Variants in NAV3 observed in about 807,000 individuals in gnomAD.
The protein encoded by NAV3 is pore membrane and/or filament interacting like protein 1.
NAV3 carries 87 observed loss-of-function variants against 244.7 expected under a neutral mutation model. That is an observed-to-expected ratio of 0.36 (90% confidence interval 0.30 to 0.42). The LOEUF (loss-of-function observed/expected upper bound fraction) is 0.42. Ranked by LOEUF, NAV3 falls within the 20% of genes least tolerant of loss-of-function variation. The pLI is 1.00. For missense variants in NAV3, 2,663 were observed against 2,893.3 expected, an observed-to-expected ratio of 0.92 and a Z score of 1.83; for synonymous variants, 1,126 against 1,042.2, an observed-to-expected ratio of 1.08 and a Z score of -1.55.
At chr12:77,814,158 C>T (rs907018135) in intron 2 of NAV3, among the ~76,000 whole-genome samples, 3 of 151,930 alleles carry the variant, frequency 2.0e-5, no homozygotes, top group African/African-American at 7.3e-5. Context: ...AATATTCTGC[C>T]AGAGTTCCTC....
upstream of NAV3, among the ~76,000 whole-genome samples, chr12:77,826,497 C>T (rs1873023262): frequency 6.6e-6 from 1 of 152,062 alleles, no homozygotes; most frequent in African/African-American, 2.4e-5. Context: ...GTCCCCCTCC[C>T]CCCAAAAAAT....
At chr12:77,889,515 G>T (rs1482084930) in intron 1 of NAV3, among the ~76,000 whole-genome samples, 2 of 152,144 alleles carry the variant, frequency 1.3e-5, no homozygotes, top group Admixed American at 6.6e-5. Flanking sequence ...ACAATTAATG[G>T]AAATGTGACT....
chr12:77,725,610 GCAAACCATT>G (rs1253510698), intron 2 of NAV3, among the ~76,000 whole-genome samples: 1 of 151,074 alleles, frequency 6.6e-6, no homozygotes, highest in East Asian at 1.9e-4. Context: ...GAGCTTGCTC[GCAAACCATT>G]CAAAATTTGG....
At chr12:77,984,322 CAAGT>C (rs1870088314) in intron 5 of NAV3, among the ~76,000 whole-genome samples, 1 of 152,104 alleles carries the variant, frequency 6.6e-6, no homozygotes, top group Admixed American at 6.6e-5. Context: ...TATGTGCTTT[CAAGT>C]AAGAATAACG....
chr12:77,807,787 T>TGAAAG (rs1872060945), intron 2 of NAV3, among the ~76,000 whole-genome samples: 1 of 152,206 alleles, frequency 6.6e-6, no homozygotes. Flanking sequence ...TTGGTTCCAT[T>TGAAAG]TTCCCCGTCA....
intron 2 of NAV3, among the ~76,000 whole-genome samples, chr12:77,622,323 A>C (rs928433861): frequency 1.7e-4 from 26 of 151,564 alleles, no homozygotes; most frequent in African/African-American, 6.1e-4. Flanking sequence ...CCACACCCGG[A>C]TAATTTTTTG....
intron 1 of NAV3, 53 bp downstream of exon 1, chr12:77,831,757 T>C (rs2136082121): frequency 1.3e-6 from 2 of 1,530,026 alleles, no homozygotes; most frequent in Non-Finnish European, 1.8e-6. Context: ...CACATTTCTC[T>C]TTAAGTGCAC....
intron 2 of NAV3, among the ~76,000 whole-genome samples, chr12:77,589,772 G>T (rs574193862): frequency 6.6e-6 from 1 of 152,316 alleles, no homozygotes; most frequent in South Asian, 2.1e-4. Flanking sequence ...AACCATATCA[G>T]ACATCTTAAA....
intron 2 of NAV3, among the ~76,000 whole-genome samples, chr12:77,791,554 C>A (rs569016627): frequency 1.3e-5 from 2 of 151,862 alleles, no homozygotes; most frequent in African/African-American, 4.8e-5. Context: ...CATATAACTC[C>A]CCTGTGGCAT....
At chr12:77,943,200 T>C (rs1172482061) in intron 3 of NAV3, among the ~76,000 whole-genome samples, 1 of 152,184 alleles carries the variant, frequency 6.6e-6, no homozygotes, top group East Asian at 1.9e-4. Flanking sequence ...ACTCTGTTAA[T>C]TTTTTTATTA....
intron 2 of NAV3, among the ~76,000 whole-genome samples, chr12:77,741,148 C>CAAAAAAAAAAAAAAAAAAAAGAAA: frequency 1.5e-5 from 1 of 68,666 alleles, no homozygotes; most frequent in Non-Finnish European, 2.7e-5. Flanking sequence ...AAAAAAAAGA[C>CAAAAAAAAAAAAAAAAAAAAGAAA]AAAAAAAAAA....
At chr12:78,023,462 C>T (rs903354515) in intron 9 of NAV3, among the ~76,000 whole-genome samples, 1 of 152,052 alleles carries the variant, frequency 6.6e-6, no homozygotes, top group African/African-American at 2.4e-5. Context: ...TATCATTTTG[C>T]AGCAATAATC....
At chr12:78,043,480 G>A (rs1593368360) in intron 9 of NAV3, among the ~76,000 whole-genome samples, 1 of 151,986 alleles carries the variant, frequency 6.6e-6, no homozygotes, top group South Asian at 2.1e-4. Context: ...TGGTATTTCT[G>A]GTTCTAGATC....
chr12:77,588,380 A>C (rs1869737446), intron 2 of NAV3, among the ~76,000 whole-genome samples: 1 of 152,026 alleles, frequency 6.6e-6, no homozygotes, highest in African/African-American at 2.4e-5. Flanking sequence ...TGGCCTCCTA[A>C]AGTGCTGGGA....
At chr12:78,075,115 T>TA (rs758047392) in intron 12 of NAV3, among the ~76,000 whole-genome samples, 26 of 152,220 alleles carry the variant, frequency 1.7e-4, no homozygotes, top group Non-Finnish European at 3.5e-4. Context: ...ACTGATCCTT[T>TA]ACTTTCCCTG....
At chr12:78,183,868 T>G (rs1332046345) in intron 30 of NAV3, among the ~76,000 whole-genome samples, 1 of 151,884 alleles carries the variant, frequency 6.6e-6, no homozygotes, top group African/African-American at 2.4e-5. Flanking sequence ...CACCCTCCCC[T>G]TGTCTCTACA....
At chr12:78,074,102 G>A (rs942736058) in intron 12 of NAV3, among the ~76,000 whole-genome samples, 1 of 152,178 alleles carries the variant, frequency 6.6e-6, no homozygotes, top group African/African-American at 2.4e-5. Context: ...AAGAAGAATT[G>A]TAACTGATTT....
chr12:77,834,923 G>A (rs763645098), intron 1 of NAV3, among the ~76,000 whole-genome samples: 2 of 151,928 alleles, frequency 1.3e-5, no homozygotes, highest in Non-Finnish European at 1.5e-5. Context: ...TAGCAAAATC[G>A]AACAAGGTAG....
intron 1 of NAV3, among the ~76,000 whole-genome samples, chr12:77,926,227 T>C (rs1888202400): frequency 6.6e-6 from 1 of 152,136 alleles, no homozygotes; most frequent in South Asian, 2.1e-4. Flanking sequence ...TCTTTCTAAA[T>C]TAATTAATTA....
Sources: allele counts gnomAD v4.1 joint callset (sites outside exome capture counted in the v4.1 genomes callset), GRCh38; gene constraint gnomAD v4.1.1; transcripts MANE v1.5; gene names NCBI Gene and HGNC (gene_info 2026-07-23, HGNC 2026-07-21).